ZNF33A: variants seen among roughly 807,000 people sequenced by gnomAD.
The protein encoded by ZNF33A is brain my041 protein.
ZNF33A carries 9 observed loss-of-function variants against 15.9 expected under a neutral mutation model. The ratio of observed to expected loss-of-function variants is 0.57; its 90% CI spans 0.34 to 0.99. ZNF33A has a LOEUF of 0.99. ZNF33A is among the 50% of genes least tolerant of loss of function. ZNF33A has a pLI of 0.02. For missense variants in ZNF33A, 843 were observed against 941.6 expected (o/e 0.90, Z 1.37); for synonymous variants, 294 against 324.2 (o/e 0.91, Z 1.00).
At chr10:38,053,765 C>T (rs11598044) in intron 4 of ZNF33A, among the ~76,000 whole-genome samples, 18,696 of 152,130 alleles carry the variant, frequency 0.12, 1,280 homozygotes, top group Admixed American at 0.19. Context: ...CTTTAATCTA[C>T]GTGAACTCAG....
Position 38,057,651 on chromosome 10 carries a change from C to A in ZNF33A, c.*1091C>A. The A allele has an allele frequency of 1.0e-6, 1 of 985,418 alleles. No homozygotes were observed. Among genetic ancestry groups the A allele is most frequent in the African/African-American group, 1.7e-5 (1 of 57,370 alleles). The allele number at this position is 985,418 out of a possible 1,614,324, so 61.0% of individuals were successfully genotyped here. ...AACAAATTATCTAAAAAAAATCTAT[C>A]CTGTACATGTGAAGATCTAGGCTCG... On this transcript the variant is annotated 3_prime_UTR_variant, in exon 5 of 5. Coordinates refer to ENST00000432900, the MANE Select transcript of ZNF33A (RefSeq NM_006954.2).
At chr10:38,050,916 G>A (rs1465035837) in intron 4 of ZNF33A, among the ~76,000 whole-genome samples, 1 of 152,222 alleles carries the variant, frequency 6.6e-6, no homozygotes, top group Non-Finnish European at 1.5e-5. Flanking sequence ...TCTTTGGAGT[G>A]TAGATTCTCT....
intron 4 of ZNF33A, among the ~76,000 whole-genome samples, chr10:38,033,635 A>G (rs146654656): frequency 6.6e-6 from 1 of 151,986 alleles, no homozygotes; most frequent in Admixed American, 6.5e-5. Flanking sequence ...AATATGTATT[A>G]TACCAATCCA....
At chr10:38,029,481 C>T (rs913528035) in intron 4 of ZNF33A, among the ~76,000 whole-genome samples, 25 of 152,274 alleles carry the variant, frequency 1.6e-4, no homozygotes, top group Non-Finnish European at 2.6e-4. Context: ...CATTTGAAGT[C>T]GCCTTTTTCC....
At chr10:38,028,655 A>G (rs1366364893) in intron 4 of ZNF33A, among the ~76,000 whole-genome samples, 1 of 151,952 alleles carries the variant, frequency 6.6e-6, no homozygotes, top group Non-Finnish European at 1.5e-5. Context: ...TTTAGTAGAG[A>G]TGGAGTTTTG....
chr10:38,032,398 C>A (rs991426507), intron 4 of ZNF33A, among the ~76,000 whole-genome samples: 2 of 152,070 alleles, frequency 1.3e-5, no homozygotes, highest in African/African-American at 4.8e-5. Context: ...GTGTATAAAT[C>A]AATCATTGTT....
Position 38,016,882 on chromosome 10 carries a change from G to T in ZNF33A, c.21G>T (p.Lys7Asn). 1.2e-6 allele frequency: 2 copies of T among 1,613,768 alleles called. No individual in the cohort carries two copies. The highest frequency in any genetic ancestry group is 1.7e-6 in the Non-Finnish European group (2 of 1,179,942). ...TCTGAATGTTTCAGGTAGAACAGAA[G>T]TCCCAGGAGTCAGTATCATTTAAAG... is the stretch of plus-strand genomic sequence containing the variant. MNKVEQ[K>N]SQESVSFKDV... Residue 7 changes from lysine (K) to asparagine (N), a missense_variant, in exon 3 of 5, where the codon AAG (lysine) becomes AAT (asparagine). Coordinates refer to ENST00000432900, the MANE Select transcript of ZNF33A (RefSeq NM_006954.2).
At chr10:38,061,538 G>A (rs74135615), downstream of ZNF33A, among the ~76,000 whole-genome samples, 1,167 of 152,212 alleles carry the variant, frequency 7.7e-3, 17 homozygotes, top group African/African-American at 0.027. Flanking sequence ...CAATCATGGG[G>A]CCTGATGGCC....
At chr10:38,037,925 T>A (rs1488203759) in intron 4 of ZNF33A, among the ~76,000 whole-genome samples, 1 of 152,160 alleles carries the variant, frequency 6.6e-6, no homozygotes, top group East Asian at 1.9e-4. Flanking sequence ...GGGATTTTGG[T>A]AGGGATTGTG....
At chr10:38,013,372 G>C (rs892683477) in intron 2 of ZNF33A, among the ~76,000 whole-genome samples, 4 of 151,650 alleles carry the variant, frequency 2.6e-5, no homozygotes, top group Non-Finnish European at 5.9e-5. Flanking sequence ...GCCTCCCAAA[G>C]TGCTGGGATT....
At chr10:38,045,480 T>A (rs1162429102) in intron 4 of ZNF33A, among the ~76,000 whole-genome samples, 6 of 152,198 alleles carry the variant, frequency 3.9e-5, no homozygotes, top group South Asian at 2.1e-4. Context: ...CTTGTTAAAT[T>A]TGGGTTCCTT....
intron 4 of ZNF33A, among the ~76,000 whole-genome samples, chr10:38,022,660 A>AG (rs1158055652): frequency 6.8e-6 from 1 of 147,870 alleles, no homozygotes; most frequent in African/African-American, 2.6e-5. Flanking sequence ...TCTGTCTCAA[A>AG]AAAAAAAAAA....
At chr10:38,061,481 C>T (rs142899892), downstream of ZNF33A, among the ~76,000 whole-genome samples, 572 of 152,282 alleles carry the variant, frequency 3.8e-3, 5 homozygotes, top group African/African-American at 0.013. Context: ...TGTGCCTGAG[C>T]GTGGCCTGGC....
chr10:38,011,996 T>G (rs931585412), intron 1 of ZNF33A, among the ~76,000 whole-genome samples: 1 of 152,246 alleles, frequency 6.6e-6, no homozygotes, highest in Admixed American at 6.5e-5. Flanking sequence ...TACTTTTTTT[T>G]GTGAACACCG....
chr10:38,063,994 A>T (rs150091363), downstream of ZNF33A: 21 of 1,212,654 alleles, frequency 1.7e-5, no homozygotes, highest in African/African-American at 2.8e-4. Flanking sequence ...TCTGTAGGAA[A>T]ACAGGAAGAA....
Position 38,010,792 on chromosome 10 carries a change from C to T in ZNF33A, c.-45+9C>T, listed in dbSNP as rs1464234513. ...CCCGACGAGGGAGTGGGGTAAGCCCCAGTGGGTTGGGCAGGGAGAGAGAGG... is the reference window on the plus strand; with the variant it reads ...CCCGACGAGGGAGTGGGGTAAGCCCTAGTGGGTTGGGCAGGGAGAGAGAGG... On this transcript the variant is annotated intron_variant, in intron 1 of 4. Coordinates refer to ENST00000432900, the MANE Select transcript of ZNF33A (RefSeq NM_006954.2). 3 of 1,598,260 alleles carry T rather than the reference C, an allele frequency of 1.9e-6. No homozygotes were observed. The highest frequency in any genetic ancestry group is 1.3e-5 in the African/African-American group (1 of 74,926).
chr10:38,050,511 A>G (rs549968721), intron 4 of ZNF33A, among the ~76,000 whole-genome samples: 19 of 152,338 alleles, frequency 1.2e-4, no homozygotes, highest in African/African-American at 1.9e-4. Flanking sequence ...TGTGATTTGT[A>G]TGTAAAGTCT....
intron 4 of ZNF33A, chr10:38,039,352 A>G (rs1650276878): frequency 1.0e-5 from 4 of 401,758 alleles, no homozygotes; most frequent in South Asian, 7.2e-5. Flanking sequence ...CCTCCCAAGT[A>G]GCTGGGACTA....
At chr10:38,067,663 G>C (rs1372103639), downstream of ZNF33A, among the ~76,000 whole-genome samples, 3 of 152,124 alleles carry the variant, frequency 2.0e-5, no homozygotes, top group Admixed American at 1.3e-4. Context: ...ACTGGGTGCA[G>C]GGCATTACAC....
Sources: gnomAD v4.1 joint callset for allele counts (sites outside exome capture counted in the v4.1 genomes callset) on GRCh38, gnomAD v4.1.1 for gene constraint, MANE v1.5 for transcripts, NCBI Gene and HGNC (gene_info 2026-07-23, HGNC 2026-07-21) for gene names.